The following PRICKLE1 variants were observed in gnomAD, a reference collection of about 807,000 sequenced individuals.
The protein encoded by PRICKLE1 is prickle planar cell polarity protein 1.
In PRICKLE1, 14 loss-of-function variants were observed where a neutral mutation model predicts 70.2. That is an observed-to-expected ratio of 0.20 (90% CI 0.13 to 0.31). PRICKLE1 has a LOEUF of 0.31. PRICKLE1 is among the 10% of genes least tolerant of loss of function. The pLI is 1.00. For synonymous variants in PRICKLE1, 357 were observed against 379.9 expected, an observed-to-expected ratio of 0.94 and a Z score of 0.70; for missense variants, 821 against 1,026.2, an observed-to-expected ratio of 0.80 and a Z score of 2.73.
rs1566077161 is a variant in PRICKLE1, at chr12:42,460,871, TTTTTG to T, written c.1640-211_1640-207del. On this transcript the variant is annotated intron_variant, in intron 7 of 7. Transcript: ENST00000345127. ...TTGTTATAAGGGGTGGGCACAGCCT[TTTTTG>T]TTTTGTTTTTTTGTTTTGTTTTGAG... The T allele has an allele frequency of 2.0e-5, 13 of 638,556 alleles. No homozygotes were observed. The East Asian group carries it at 2.2e-4, about 11-fold the overall frequency. The allele number at this position is 638,556 out of a possible 1,614,324, so 39.6% of individuals were successfully genotyped here. A position where few individuals can be genotyped will look rare whatever the true frequency, so the allele number is the denominator to read the frequency against.
chr12:42,545,951 G>T (rs1169792329), intron 1 of PRICKLE1, among the ~76,000 whole-genome samples: 1 of 150,876 alleles, frequency 6.6e-6, no homozygotes, highest in Admixed American at 6.6e-5. Flanking sequence ...GAATGACTTA[G>T]TAAAAAAAAA....
intron 1 of PRICKLE1, among the ~76,000 whole-genome samples, chr12:42,488,616 C>T (rs564950992): frequency 5.9e-4 from 90 of 152,224 alleles, no homozygotes; most frequent in Non-Finnish European, 1.1e-3. Flanking sequence ...TGAAAAGCTA[C>T]CAAAATGTTA....
intron 1 of PRICKLE1, among the ~76,000 whole-genome samples, chr12:42,564,073 ATGGTG>A (rs1378557164): frequency 1.4e-4 from 21 of 151,968 alleles, no homozygotes; most frequent in Middle Eastern, 6.8e-3. Context: ...CCTGGCCAAC[ATGGTG>A]AAACCCCGTC....
intron 1 of PRICKLE1, among the ~76,000 whole-genome samples, chr12:42,494,769 T>C (rs1445033371): frequency 6.9e-6 from 1 of 145,736 alleles, no homozygotes; most frequent in Non-Finnish European, 1.5e-5. Context: ...ATCATGCCAC[T>C]GCACTCCAGC....
intron 1 of PRICKLE1, among the ~76,000 whole-genome samples, chr12:42,522,824 T>C (rs927730792): frequency 2.0e-5 from 3 of 152,218 alleles, no homozygotes; most frequent in African/African-American, 7.2e-5. Flanking sequence ...ATTTGATCTT[T>C]AGGGATCTAG....
chr12:42,502,773 T>A (rs1044570434), intron 1 of PRICKLE1, among the ~76,000 whole-genome samples: 23 of 152,352 alleles, frequency 1.5e-4, no homozygotes, highest in African/African-American at 5.5e-4. Flanking sequence ...GTAAGGTTTT[T>A]CTTTATGGAG....
chr12:42,581,548 C>A (rs1940900162), intron 1 of PRICKLE1, among the ~76,000 whole-genome samples: 1 of 151,938 alleles, frequency 6.6e-6, no homozygotes, highest in Non-Finnish European at 1.5e-5. Context: ...AGTTCAAGAC[C>A]AGCCTGGTCA....
At chr12:42,583,767 GA>G (rs1940942380) in intron 1 of PRICKLE1, among the ~76,000 whole-genome samples, 1 of 152,212 alleles carries the variant, frequency 6.6e-6, no homozygotes, top group Non-Finnish European at 1.5e-5. Flanking sequence ...TCAACCCAAA[GA>G]AGCACTATAT....
At chr12:42,546,148 T>C (rs1940209005) in intron 1 of PRICKLE1, among the ~76,000 whole-genome samples, 1 of 152,148 alleles carries the variant, frequency 6.6e-6, no homozygotes, top group African/African-American at 2.4e-5. Flanking sequence ...CAAAGCCTGA[T>C]GCCAAGCCAA....
At chr12:42,546,524 T>C (rs1457238534) in intron 1 of PRICKLE1, among the ~76,000 whole-genome samples, 7 of 152,106 alleles carry the variant, frequency 4.6e-5, no homozygotes, top group Non-Finnish European at 1.0e-4. Context: ...GAGGCTGAGG[T>C]GGGAGGATCA....
chr12:42,508,552 C>T (rs4768414), intron 1 of PRICKLE1, among the ~76,000 whole-genome samples: 87,904 of 152,014 alleles, frequency 0.58, 25,712 homozygotes, highest in East Asian at 0.72. Flanking sequence ...ATCAACAGGA[C>T]TCATTGATAA....
chr12:42,480,424 A>G (rs912095439), intron 1 of PRICKLE1, among the ~76,000 whole-genome samples: 4 of 152,232 alleles, frequency 2.6e-5, no homozygotes, highest in African/African-American at 4.8e-5. Flanking sequence ...CTGTCCCAAA[A>G]AAAAATCTAT....
At chr12:42,551,368 T>C (rs114798050) in intron 1 of PRICKLE1, among the ~76,000 whole-genome samples, 162 of 152,350 alleles carry the variant, frequency 1.1e-3, no homozygotes, top group African/African-American at 3.4e-3. Flanking sequence ...TTATTTTACT[T>C]CCTAGCAAAC....
intron 1 of PRICKLE1, among the ~76,000 whole-genome samples, chr12:42,564,229 T>C (rs529192076): frequency 8.8e-5 from 11 of 124,680 alleles, no homozygotes; most frequent in Non-Finnish European, 1.6e-4. Context: ...GCACTCCAGC[T>C]TGGCAACAGA....
In PRICKLE1 at chr12:42,494,223, T is replaced by C. The variant is rs540786618; in HGVS notation, c.-48-21659A>G. ...TGATCAGGATGGTAGTTGGTAAAGG[T>C]TGGGATGATTGTGACAATTTCTTAT... On this transcript the variant is annotated intron_variant, in intron 1 of 7. Transcript: ENST00000345127. 3.9e-5 allele frequency among the ~76,000 whole-genome samples: 6 copies of C among 152,284 alleles called. No individual in the cohort carries two copies. In the South Asian group the frequency reaches 8.3e-4, roughly 21 times the overall value.
At chr12:42,537,859 CCAAA>C (rs1566118198) in intron 1 of PRICKLE1, among the ~76,000 whole-genome samples, 1 of 152,142 alleles carries the variant, frequency 6.6e-6, no homozygotes, top group Non-Finnish European at 1.5e-5. Flanking sequence ...ATTCTTTCAA[CCAAA>C]CAATCGTGTA....
intron 1 of PRICKLE1, among the ~76,000 whole-genome samples, chr12:42,498,456 G>A (rs1939248997): frequency 6.6e-6 from 1 of 152,116 alleles, no homozygotes; most frequent in Non-Finnish European, 1.5e-5. Flanking sequence ...TTACAGGTGT[G>A]AGCCACTGTG....
At position 42,528,318 on chromosome 12, in the gene PRICKLE1, C is replaced by T. The variant is rs552687975; in HGVS notation, c.-48-55754G>A. Among the ~76,000 whole-genome samples the T allele has an allele frequency of 7.4e-3, 1,123 of 152,226 alleles. 15 individuals carry two copies. The highest frequency in any genetic ancestry group is 0.026 in the African/African-American group (1,073 of 41,530). On this transcript the variant is annotated intron_variant, in intron 1 of 7. Transcript: ENST00000345127. Reference sequence around the variant, plus strand: ...CGAACTCCTGGGCTCAAGTGATCCTCCCACCTCGGCCTTGCAAAGTGCTGG... The same window carrying T: ...CGAACTCCTGGGCTCAAGTGATCCTTCCACCTCGGCCTTGCAAAGTGCTGG...
intron 2 of PRICKLE1, among the ~76,000 whole-genome samples, chr12:42,471,922 C>A (rs1938337168): frequency 6.6e-6 from 1 of 152,212 alleles, no homozygotes. Flanking sequence ...GGTCAAACGT[C>A]TAAGCAGTAA....
Sources: allele counts gnomAD v4.1 joint callset (sites outside exome capture counted in the v4.1 genomes callset), GRCh38; gene constraint gnomAD v4.1.1; transcripts MANE v1.5; gene names NCBI Gene and HGNC (gene_info 2026-07-23, HGNC 2026-07-21).